ATPSCKMT: variants seen among roughly 807,000 people sequenced by gnomAD.
ATPSCKMT encodes ATP synthase c subunit lysine N-methyltransferase.
Under a neutral mutation model 24.3 loss-of-function variants are expected in ATPSCKMT, and 24 were observed. That is an observed-to-expected ratio of 0.99 (90% CI 0.71 to 1.39). The LOEUF (loss-of-function observed/expected upper bound fraction) is 1.39, where lower values mean the gene tolerates loss of function less well. ATPSCKMT is among the 40% of genes most tolerant of loss of function. ATPSCKMT has a pLI of 0.00. For synonymous variants in ATPSCKMT, 95 were observed against 110.5 expected (o/e 0.86, Z 0.88); for missense variants, 311 against 298.4 (o/e 1.04, Z -0.31).
At chr5:10,248,564 TTA>T (rs1745071019) in intron 1 of ATPSCKMT, 1 of 152,314 alleles carries the variant, frequency 6.6e-6, no homozygotes, top group South Asian at 2.1e-4. Flanking sequence ...CTCCCTGTTT[TTA>T]GAGACAGAAT....
chr5:10,247,252 C>G (rs1440562928), intron 1 of ATPSCKMT, among the ~76,000 whole-genome samples: 1 of 152,196 alleles, frequency 6.6e-6, no homozygotes, highest in Non-Finnish European at 1.5e-5. Flanking sequence ...AGATCCATAC[C>G]CATTGCTGGA....
At chr5:10,237,285 A>T (rs1411900328) in intron 2 of ATPSCKMT, among the ~76,000 whole-genome samples, 1 of 152,224 alleles carries the variant, frequency 6.6e-6, no homozygotes, top group Non-Finnish European at 1.5e-5. Context: ...GATAGTTCCC[A>T]AGTACTACAG....
chr5:10,237,148 T>C (rs1744414141), intron 2 of ATPSCKMT: 1 of 707,966 alleles, frequency 1.4e-6, no homozygotes, highest in Non-Finnish European at 2.1e-6. Flanking sequence ...CCCAATAACG[T>C]CAACTGTGGA....
intron 1 of ATPSCKMT, among the ~76,000 whole-genome samples, chr5:10,246,922 G>C (rs1428316214): frequency 6.6e-6 from 1 of 152,192 alleles, no homozygotes; most frequent in African/African-American, 2.4e-5. Flanking sequence ...GGACCAGTGA[G>C]GTGTTGGCAG....
intron 4 of ATPSCKMT, among the ~76,000 whole-genome samples, chr5:10,231,975 G>A (rs527568979): frequency 4.5e-4 from 69 of 152,320 alleles, no homozygotes; most frequent in Middle Eastern, 3.4e-3. Context: ...GTCTGCAGCC[G>A]GAGGACTGCT....
At chr5:10,238,842 T>C (rs1238440322) in intron 2 of ATPSCKMT, among the ~76,000 whole-genome samples, 1 of 152,238 alleles carries the variant, frequency 6.6e-6, no homozygotes, top group African/African-American at 2.4e-5. Flanking sequence ...CTTTTTCACC[T>C]GGCATGTTTA....
intron 4 of ATPSCKMT, among the ~76,000 whole-genome samples, chr5:10,229,004 T>C (rs896171207): frequency 6.6e-6 from 1 of 152,186 alleles, no homozygotes; most frequent in Non-Finnish European, 1.5e-5. Flanking sequence ...TCCTAAACCA[T>C]TGCAGAAAAG....
At chr5:10,242,017 T>C (rs1414816321) in intron 1 of ATPSCKMT, among the ~76,000 whole-genome samples, 1 of 152,274 alleles carries the variant, frequency 6.6e-6, no homozygotes, top group African/African-American at 2.4e-5. Flanking sequence ...AATGATCATC[T>C]GAGCCTTCAG....
chr5:10,241,070 G>A (rs564472304), intron 1 of ATPSCKMT, among the ~76,000 whole-genome samples: 154 of 151,968 alleles, frequency 1.0e-3, no homozygotes, highest in Admixed American at 4.5e-3. Flanking sequence ...AAATGAATTG[G>A]CAGGCCTGCG....
intron 1 of ATPSCKMT, among the ~76,000 whole-genome samples, chr5:10,246,632 A>G (rs1318913178): frequency 6.6e-6 from 1 of 152,226 alleles, no homozygotes; most frequent in Non-Finnish European, 1.5e-5. Context: ...TTGTATGGAT[A>G]TGCCATATTT....
At chr5:10,241,179 G>A (rs1002877758) in intron 1 of ATPSCKMT, among the ~76,000 whole-genome samples, 1 of 151,988 alleles carries the variant, frequency 6.6e-6, no homozygotes, top group Non-Finnish European at 1.5e-5. Context: ...TCCAATCTCT[G>A]CTTCTGTCCT....
chr5:10,240,329 A>C (rs1259223581), intron 1 of ATPSCKMT, among the ~76,000 whole-genome samples: 1 of 152,180 alleles, frequency 6.6e-6, no homozygotes, highest in Non-Finnish European at 1.5e-5. Context: ...CAAAGAAATG[A>C]ATGGTACCTT....
chr5:10,233,624 C>T (rs1015347144), intron 4 of ATPSCKMT, among the ~76,000 whole-genome samples: 3 of 150,322 alleles, frequency 2.0e-5, no homozygotes, highest in Non-Finnish European at 2.9e-5. Flanking sequence ...TGGTAAGAAG[C>T]ACCCGGAGTC....
intron 2 of ATPSCKMT, among the ~76,000 whole-genome samples, chr5:10,238,283 GT>G (rs1410786545): frequency 4.6e-5 from 7 of 150,602 alleles, no homozygotes; most frequent in African/African-American, 1.7e-4. Context: ...AATTTTATAA[GT>G]AAAAAAAAAA....
At chr5:10,240,017 G>A (rs1011050244) in intron 1 of ATPSCKMT, among the ~76,000 whole-genome samples, 3 of 151,582 alleles carry the variant, frequency 2.0e-5, no homozygotes, top group African/African-American at 7.3e-5. Flanking sequence ...ACGAGGTCAG[G>A]ACATCGAGAC....
At position 10,227,160 on chromosome 5, in the gene ATPSCKMT, C is replaced by T. The variant is rs559155848; in HGVS notation, c.*281G>A. The T allele has an allele frequency of 4.7e-6, 2 of 425,056 alleles. No homozygotes were observed. The highest frequency in any genetic ancestry group is 8.7e-6 in the Non-Finnish European group (2 of 230,708). 26.3% of individuals were successfully genotyped at this position (425,056 alleles called of 1,614,324 possible). ...TTATAATGTGAAGAGCTATTGGCAT[C>T]TTATTTTCCTACCCATAACCATGAC... On this transcript the variant is annotated 3_prime_UTR_variant, in exon 5 of 5. Coordinates refer to ENST00000511437, the MANE Select transcript of ATPSCKMT (RefSeq NM_199133.4).
At chr5:10,237,892 G>A (rs1408843529) in intron 2 of ATPSCKMT, among the ~76,000 whole-genome samples, 3 of 151,990 alleles carry the variant, frequency 2.0e-5, no homozygotes, top group South Asian at 2.1e-4. Context: ...GATTACACGC[G>A]TGCACCATCA....
At position 10,236,585 on chromosome 5, in the gene ATPSCKMT, C is replaced by T; in HGVS notation, c.337G>A (p.Ala113Thr). The T allele has an allele frequency of 6.2e-7, 1 of 1,614,226 alleles. No homozygotes were observed. The highest frequency in any genetic ancestry group is 8.5e-7 in the Non-Finnish European group (1 of 1,180,036). ...VIAAAKKGFT[A>T]VGYELNPWLV... ...CATGGGTTTAATTCATAACCAACTG[C>T]TGTGAACCCTTTCTTCGCAGCCGCT... The change falls in exon 3 of 5, where the codon GCA (alanine) becomes ACA (threonine). Residue 113 changes from alanine to threonine, a missense_variant. Ala to Thr is a moderately conservative substitution (Grantham distance 58). Coordinates refer to ENST00000511437, the MANE Select transcript of ATPSCKMT (RefSeq NM_199133.4).
rs1392878219 is a variant in ATPSCKMT at position 10,225,997 on chromosome 5, T to C, written c.*1444A>G. ...CACCACAGAAAGAACTCATTCTTCATAAGAAGACTGGAGCTACTGAAAAAG... is the reference window on the plus strand; with the variant it reads ...CACCACAGAAAGAACTCATTCTTCACAAGAAGACTGGAGCTACTGAAAAAG... On this transcript the variant is annotated 3_prime_UTR_variant, in exon 5 of 5. Transcript: ENST00000511437. 6.6e-6 allele frequency among the ~76,000 whole-genome samples: 1 copy of C among 152,146 alleles called. No individual in the cohort carries two copies. The highest frequency in any genetic ancestry group is 1.5e-5 in the Non-Finnish European group (1 of 68,040).
Sources: gnomAD v4.1 joint callset for allele counts (sites outside exome capture counted in the v4.1 genomes callset) on GRCh38, gnomAD v4.1.1 for gene constraint, MANE v1.5 for transcripts, NCBI Gene and HGNC (gene_info 2026-07-23, HGNC 2026-07-21) for gene names.